IL7: variants seen among roughly 807,000 people sequenced by gnomAD.
IL7 encodes interleukin 7, also known as interleukin-7.
Under a neutral mutation model 21.6 loss-of-function variants are expected in IL7, and 3 were observed. The observed-to-expected ratio is 0.14, with a 90% CI of 0.06 to 0.36. IL7 has a LOEUF of 0.36. Ranked by LOEUF, IL7 falls within the 10% of genes least tolerant of loss-of-function variation. The pLI is 1.00. For synonymous variants in IL7, 62 were observed against 68.1 expected (o/e 0.91, Z 0.44); for missense variants, 175 against 200.2 (o/e 0.87, Z 0.76).
chr8:78,767,645 T>A (rs72661366), intron 2 of IL7, among the ~76,000 whole-genome samples: 5 of 152,114 alleles, frequency 3.3e-5, no homozygotes, highest in Non-Finnish European at 7.4e-5. Flanking sequence ...TATTTTTGTG[T>A]TTTAATATTT....
rs1395649351 is a variant in IL7, at chr8:78,762,464, C to T, written c.148-22382G>A. The stretch of plus-strand genomic sequence containing the variant: ...CGCCCGCCGGCCGGTCCAGCCCTCC[C>T]CTCCCCGCCTCCTCAGGGCAGTCCG... On this transcript the variant is annotated intron_variant, in intron 2 of 5. Coordinates refer to ENST00000263851, the MANE Select transcript of IL7 (RefSeq NM_000880.4). 5.2e-6 allele frequency: 8 copies of T among 1,540,722 alleles called. No individual in the cohort carries two copies. The East Asian group carries it at 1.7e-4, about 33-fold the overall frequency.
At chr8:78,694,307 AG>A (rs1810326873) in intron 3 of IL7, among the ~76,000 whole-genome samples, 1 of 147,072 alleles carries the variant, frequency 6.8e-6, no homozygotes, top group Non-Finnish European at 1.5e-5. Context: ...TTTCTCATTC[AG>A]TTTCCTTATA....
At chr8:78,697,405 A>G in intron 3 of IL7, 1 of 1,583,790 alleles carries the variant, frequency 6.3e-7, no homozygotes, top group Admixed American at 1.9e-5. Context: ...CCATTATTTT[A>G]GTATAAGCCA....
intron 3 of IL7, chr8:78,686,446 T>C (rs1809975968): frequency 2.2e-6 from 3 of 1,340,720 alleles, no homozygotes; most frequent in African/African-American, 3.1e-5. Flanking sequence ...TTTATTTATT[T>C]ATTTATTTAT....
intron 2 of IL7, among the ~76,000 whole-genome samples, chr8:78,759,217 T>TTC (rs1491147805): frequency 2.7e-5 from 2 of 75,038 alleles, no homozygotes; most frequent in African/African-American, 1.6e-4. Context: ...TGCTGGGTTC[T>TTC]TTTTTTTTTT....
chr8:78,754,734 A>G (rs142180874), intron 2 of IL7, among the ~76,000 whole-genome samples: 3,612 of 152,180 alleles, frequency 0.024, 59 homozygotes, highest in Middle Eastern at 0.034. Context: ...CTGAAAATTA[A>G]TCCCTTGTTG....
At chr8:78,742,103 G>A (rs934188004) in intron 2 of IL7, among the ~76,000 whole-genome samples, 2 of 151,162 alleles carry the variant, frequency 1.3e-5, no homozygotes, top group Non-Finnish European at 2.9e-5. Context: ...CGTGAGGTCA[G>A]TAGTTCGAGA....
At chr8:78,767,315 G>T (rs1375479649) in intron 2 of IL7, among the ~76,000 whole-genome samples, 1 of 151,648 alleles carries the variant, frequency 6.6e-6, no homozygotes, top group Non-Finnish European at 1.5e-5. Context: ...GTTAATTTTG[G>T]AGTTTAACAT....
intron 3 of IL7, among the ~76,000 whole-genome samples, chr8:78,694,288 T>TG (rs1810324441): frequency 6.2e-5 from 1 of 16,010 alleles, no homozygotes; most frequent in African/African-American, 1.1e-4. Flanking sequence ...TGTTCCTTGT[T>TG]TTTTTTTTTT....
chr8:78,785,495 A>G (rs905451912), intron 2 of IL7, among the ~76,000 whole-genome samples: 1 of 152,040 alleles, frequency 6.6e-6, no homozygotes, highest in African/African-American at 2.4e-5. Flanking sequence ...ATAATTTTGG[A>G]TTTCAATGTA....
chr8:78,794,344 A>G (rs577747509), intron 2 of IL7, among the ~76,000 whole-genome samples: 1 of 152,126 alleles, frequency 6.6e-6, no homozygotes, highest in East Asian at 1.9e-4. Context: ...TGAAAAACAG[A>G]TGTTATATTA....
chr8:78,796,972 A>G (rs1813873510), intron 2 of IL7, among the ~76,000 whole-genome samples: 1 of 152,060 alleles, frequency 6.6e-6, no homozygotes, highest in Non-Finnish European at 1.5e-5. Flanking sequence ...AGTTTTATTC[A>G]TAATTTCCAA....
chr8:78,771,646 C>A (rs1812958735), intron 2 of IL7, among the ~76,000 whole-genome samples: 1 of 152,000 alleles, frequency 6.6e-6, no homozygotes, highest in South Asian at 2.1e-4. Flanking sequence ...GTTATACAGG[C>A]CATTAAATAA....
intron 2 of IL7, among the ~76,000 whole-genome samples, chr8:78,780,495 A>T (rs945644507): frequency 5.3e-5 from 8 of 152,126 alleles, no homozygotes; most frequent in African/African-American, 1.9e-4. Flanking sequence ...TTTACCGAGG[A>T]GTCATTCAGG....
intron 3 of IL7, among the ~76,000 whole-genome samples, chr8:78,687,982 AT>A (rs893330211): frequency 2.1e-5 from 3 of 145,312 alleles, no homozygotes; most frequent in Non-Finnish European, 4.5e-5. Flanking sequence ...ATATATATAA[AT>A]TATATATATA....
intron 4 of IL7, among the ~76,000 whole-genome samples, chr8:78,684,470 C>A (rs577628641): frequency 6.6e-6 from 1 of 152,254 alleles, no homozygotes; most frequent in South Asian, 2.1e-4. Flanking sequence ...TACCTCCTAC[C>A]GAGTACCCCC....
intron 3 of IL7, among the ~76,000 whole-genome samples, chr8:78,695,665 T>C (rs1256215748): frequency 4.6e-5 from 7 of 152,170 alleles, no homozygotes; most frequent in African/African-American, 1.7e-4. Context: ...TCTATATATA[T>C]ATAGTGGCCC....
intron 2 of IL7, among the ~76,000 whole-genome samples, chr8:78,765,896 A>C (rs546806184): frequency 6.6e-6 from 1 of 152,282 alleles, no homozygotes; most frequent in African/African-American, 2.4e-5. Flanking sequence ...AGCTTTATTC[A>C]TAATGACCAA....
intron 3 of IL7, among the ~76,000 whole-genome samples, chr8:78,703,536 CTT>C (rs35710652): frequency 1.4e-4 from 20 of 139,696 alleles, no homozygotes; most frequent in African/African-American, 4.2e-4. Context: ...TAATACCCTT[CTT>C]TTTTTTTTTT....
Sources: gnomAD v4.1 joint callset for allele counts (sites outside exome capture counted in the v4.1 genomes callset) on GRCh38, gnomAD v4.1.1 for gene constraint, MANE v1.5 for transcripts, NCBI Gene and HGNC (gene_info 2026-07-23, HGNC 2026-07-21) for gene names.